Variants in ARHGAP24 observed in about 807,000 individuals in gnomAD.
ARHGAP24 encodes the protein rho GTPase-activating protein 24.
Under a neutral mutation model 76.4 loss-of-function variants are expected in ARHGAP24, and 50 were observed. The observed-to-expected ratio is 0.65, with a 90% CI of 0.52 to 0.83. The LOEUF is 0.83. ARHGAP24 is among the 40% of genes least tolerant of loss of function. The probability of loss-of-function intolerance (pLI) is 0.00; values close to 1 mark genes in which losing one functional copy is unlikely to be tolerated. For synonymous variants in ARHGAP24, 345 were observed against 323.3 expected, an observed-to-expected ratio of 1.07 and a Z score of -0.72; for missense variants, 930 against 914.2, an observed-to-expected ratio of 1.02 and a Z score of -0.22.
intron 3 of ARHGAP24, among the ~76,000 whole-genome samples, chr4:85,744,983 C>G (rs1725971626): frequency 6.6e-6 from 1 of 152,054 alleles, no homozygotes; most frequent in African/African-American, 2.4e-5. Context: ...TTTTCAGAAG[C>G]CTTCTTTAAT....
At chr4:85,671,820 A>G (rs1722824294) in intron 2 of ARHGAP24, among the ~76,000 whole-genome samples, 1 of 152,218 alleles carries the variant, frequency 6.6e-6, no homozygotes, top group Non-Finnish European at 1.5e-5. Context: ...TAAAAAGAAG[A>G]ATGTGCTACA....
intron 2 of ARHGAP24, among the ~76,000 whole-genome samples, chr4:85,589,972 A>C (rs7695033): frequency 0.94 from 143,299 of 152,272 alleles, 67,504 homozygotes; most frequent in East Asian, 0.98. Flanking sequence ...CTAATTACTA[A>C]TATGTGCATT....
chr4:85,854,087 A>G (rs954599961), intron 3 of ARHGAP24, among the ~76,000 whole-genome samples: 4 of 148,754 alleles, frequency 2.7e-5, no homozygotes, highest in Admixed American at 1.4e-4. Context: ...ATGAGCCAAG[A>G]CCACACCATT....
At chr4:85,910,269 C>T (rs1214893967) in intron 3 of ARHGAP24, among the ~76,000 whole-genome samples, 1 of 152,150 alleles carries the variant, frequency 6.6e-6, no homozygotes, top group African/African-American at 2.4e-5. Context: ...TCTGAGCTCC[C>T]TGAGGGACCA....
chr4:85,995,434 G>A lies in ARHGAP24; in HGVS notation c.1780G>A (p.Asp594Asn). ...GGGGAACTTTGAGGACCCTGTTTTG[G>A]ATGGGCCCCCGCAGGACGACCTTTC... Reference protein sequence around the residue: ...FGGNFEDPVLDGPPQDDLSHP... With the variant: ...FGGNFEDPVLNGPPQDDLSHP... The change falls in exon 9 of 10, where the codon GAT becomes AAT. Residue 594 changes from aspartate (D) to asparagine (N), a missense_variant. Physicochemically the swap from Asp to Asn is conservative, Grantham distance 23. Transcript: ENST00000395184. The A allele has an allele frequency of 6.2e-7, 1 of 1,611,278 alleles. No homozygotes were observed. Among genetic ancestry groups the A allele is most frequent in the Non-Finnish European group, 8.5e-7 (1 of 1,177,902 alleles).
At chr4:85,801,406 TA>T (rs1230768317) in intron 3 of ARHGAP24, among the ~76,000 whole-genome samples, 3 of 152,240 alleles carry the variant, frequency 2.0e-5, no homozygotes, top group African/African-American at 7.2e-5. Context: ...TGTACTTACT[TA>T]AATATTATAT....
At chr4:85,855,141 A>G (rs560125808) in intron 3 of ARHGAP24, among the ~76,000 whole-genome samples, 25 of 152,318 alleles carry the variant, frequency 1.6e-4, no homozygotes, top group Middle Eastern at 3.4e-3. Flanking sequence ...ATTTCATCTA[A>G]TAGTCACAAT....
At chr4:85,944,705 G>T (rs961435192) in intron 5 of ARHGAP24, among the ~76,000 whole-genome samples, 2 of 152,130 alleles carry the variant, frequency 1.3e-5, no homozygotes, top group Non-Finnish European at 2.9e-5. Flanking sequence ...TAAGCCCAAC[G>T]CGTGACCGTG....
intron 1 of ARHGAP24, among the ~76,000 whole-genome samples, chr4:85,521,348 TGGAAATCA>T (rs1306654111): frequency 1.0e-5 from 1 of 98,690 alleles, no homozygotes; most frequent in Non-Finnish European, 2.3e-5. Context: ...TGTCTAAGAG[TGGAAATCA>T]GGAGAATAGA....
At chr4:85,990,198 C>T (rs1740239505) in intron 8 of ARHGAP24, 1 of 151,650 alleles carries the variant, frequency 6.6e-6, no homozygotes, top group Admixed American at 6.6e-5. Context: ...GAACAACACT[C>T]ATAAATTTAA....
chr4:85,897,927 G>C (rs922152731), intron 3 of ARHGAP24, among the ~76,000 whole-genome samples: 12 of 151,754 alleles, frequency 7.9e-5, no homozygotes, highest in African/African-American at 2.7e-4. Flanking sequence ...AGTTGAGTGG[G>C]AGGTAAGGAT....
intron 3 of ARHGAP24, among the ~76,000 whole-genome samples, chr4:85,729,258 C>CATGTAGA (rs1725297911): frequency 6.6e-6 from 1 of 151,880 alleles, no homozygotes; most frequent in Non-Finnish European, 1.5e-5. Context: ...ATTCTATATA[C>CATGTAGA]ACAAGTAGCT....
intron 7 of ARHGAP24, among the ~76,000 whole-genome samples, chr4:85,975,272 A>C (rs191683187): frequency 6.6e-6 from 1 of 152,336 alleles, no homozygotes; most frequent in Non-Finnish European, 1.5e-5. Context: ...CCACCTTGGC[A>C]TGAGAAACAT....
chr4:85,578,184 G>A (rs865775028), intron 2 of ARHGAP24, among the ~76,000 whole-genome samples: 2 of 152,200 alleles, frequency 1.3e-5, no homozygotes, highest in Admixed American at 1.3e-4. Context: ...TCCTATAATT[G>A]ACTATTTTAT....
intron 1 of ARHGAP24, among the ~76,000 whole-genome samples, chr4:85,510,567 C>T (rs538184316): frequency 1.4e-5 from 2 of 147,186 alleles, no homozygotes; most frequent in African/African-American, 5.0e-5. Flanking sequence ...TATCTCTTTC[C>T]TTCTCCTTCT....
rs943492544 is a variant in ARHGAP24, at chr4:85,874,345, G to A, written c.269-49303G>A. Among the ~76,000 whole-genome samples the A allele has an allele frequency of 3.9e-5, 6 of 152,076 alleles. No homozygotes were observed. The East Asian group carries it at 5.8e-4, about 15-fold the overall frequency. On this transcript the variant is annotated intron_variant, in intron 3 of 9. Transcript: ENST00000395184. ...AATCTTATTCCAGGTGTAGACTTCC[G>A]AATTAATCCATTGTTTTAAATGAGA...
rs1740982656 is a variant in ARHGAP24, at chr4:86,000,868, A to G, written c.*146A>G. 1 of 1,199,436 alleles carries G rather than the reference A, an allele frequency of 8.3e-7. No homozygotes were observed. The highest frequency in any genetic ancestry group is 1.2e-6 in the Non-Finnish European group (1 of 850,238). The allele number at this position is 1,199,436 out of a possible 1,614,324, so 74.3% of individuals were successfully genotyped here. A position where few individuals can be genotyped will look rare whatever the true frequency, so the allele number is the denominator to read the frequency against. ...TATCATTTACAGACATTAAACATCCATATCTGCAATGTGTACCAAAGTTAT... is the reference window on the plus strand; with the variant it reads ...TATCATTTACAGACATTAAACATCCGTATCTGCAATGTGTACCAAAGTTAT... On this transcript the variant is annotated 3_prime_UTR_variant, in exon 10 of 10. Coordinates refer to ENST00000395184, the MANE Select transcript of ARHGAP24 (RefSeq NM_001025616.3).
intron 3 of ARHGAP24, among the ~76,000 whole-genome samples, chr4:85,885,348 A>G (rs1733503129): frequency 2.6e-5 from 4 of 152,092 alleles, no homozygotes; most frequent in Admixed American, 2.6e-4. Context: ...TTTAAAATAT[A>G]TGTTTTTTAA....
chr4:85,849,343 T>G (rs1731083119), intron 3 of ARHGAP24, among the ~76,000 whole-genome samples: 1 of 151,730 alleles, frequency 6.6e-6, no homozygotes, highest in East Asian at 1.9e-4. Flanking sequence ...TAAGGATATT[T>G]TGGGCTGAGA....
Sources: allele counts gnomAD v4.1 joint callset (sites outside exome capture counted in the v4.1 genomes callset), GRCh38; gene constraint gnomAD v4.1.1; transcripts MANE v1.5; gene names NCBI Gene and HGNC (gene_info 2026-07-23, HGNC 2026-07-21).